DOP1B: variants seen among roughly 807,000 people sequenced by gnomAD.
DOP1B encodes protein DOP1B.
A neutral mutation model predicts 233.5 loss-of-function variants in DOP1B; 174 were observed. The ratio of observed to expected loss-of-function variants is 0.75; its 90% CI spans 0.66 to 0.85. The LOEUF (loss-of-function observed/expected upper bound fraction) is 0.85. DOP1B is among the 40% of genes least tolerant of loss of function. DOP1B has a pLI of 0.00. For missense variants in DOP1B, 2,652 were observed against 2,846.6 expected (o/e 0.93, Z 1.56); for synonymous variants, 1,190 against 1,185.6 (o/e 1.00, Z -0.08).
chr21:36,214,600 T>A, intron 9 of DOP1B, 44 bp downstream of exon 9: 5 of 1,503,446 alleles, frequency 3.3e-6, no homozygotes, highest in Non-Finnish European at 4.6e-6. Flanking sequence ...GAATACAGAT[T>A]ACCTGTTTTC....
chr21:36,235,863 C>CGG (rs368106815), intron 15 of DOP1B, among the ~76,000 whole-genome samples: 17,953 of 111,416 alleles, frequency 0.16, 1,565 homozygotes, highest in Non-Finnish European at 0.21. Flanking sequence ...GCAAGGAAGT[C>CGG]GGGGGGGGGG....
chr21:36,210,250 G>A (rs1426457492), intron 5 of DOP1B, among the ~76,000 whole-genome samples: 1 of 152,224 alleles, frequency 6.6e-6, no homozygotes, highest in East Asian at 1.9e-4. Flanking sequence ...ACTCATGCCT[G>A]TAATCTCAGC....
intron 4 of DOP1B, among the ~76,000 whole-genome samples, chr21:36,204,351 T>A (rs1273511658): frequency 6.6e-6 from 1 of 152,094 alleles, no homozygotes; most frequent in Non-Finnish European, 1.5e-5. Context: ...TAGTACAGAG[T>A]TTCCATGATG....
chr21:36,271,870 T>C (rs2284640), intron 27 of DOP1B, among the ~76,000 whole-genome samples: 92,425 of 151,124 alleles, frequency 0.61, 29,138 homozygotes, highest in African/African-American at 0.78. Flanking sequence ...GGTTGGCTCA[T>C]GCCTGTAATC....
At position 36,214,169 on chromosome 21, in the gene DOP1B, C is replaced by G; in HGVS notation, c.993C>G (p.Tyr331Ter). The G allele has an allele frequency of 6.3e-7, 1 of 1,598,674 alleles. No homozygotes were observed. Among genetic ancestry groups the G allele is most frequent in the Non-Finnish European group, 8.5e-7 (1 of 1,171,366 alleles). Reference protein sequence around the residue: ...EDQSSYFFEKYSKDLLVEGLA... With the variant: ...EDQSSYFFEK ...AGTCGTCTTATTTTTTTGAAAAATACTCCAAGGATCTTTTAGTTGAGGTAA... is the reference window on the plus strand; with the variant it reads ...AGTCGTCTTATTTTTTTGAAAAATAGTCCAAGGATCTTTTAGTTGAGGTAA... The change falls in exon 8 of 37, where the codon TAC becomes TAG. Residue 331 changes from tyrosine (Y) to a stop codon, truncating the protein, a stop_gained. Coordinates refer to ENST00000691173, the MANE Select transcript of DOP1B (RefSeq NM_001320714.2). LOFTEE classifies it high-confidence loss of function.
At chr21:36,198,198 G>A (rs1051047702) in intron 2 of DOP1B, among the ~76,000 whole-genome samples, 1 of 152,062 alleles carries the variant, frequency 6.6e-6, no homozygotes, top group African/African-American at 2.4e-5. Flanking sequence ...GGGAGGCCGA[G>A]GCGGGTGGAT....
At chr21:36,225,026 G>C (rs1469460519) in intron 11 of DOP1B, among the ~76,000 whole-genome samples, 1 of 152,008 alleles carries the variant, frequency 6.6e-6, no homozygotes, top group Non-Finnish European at 1.5e-5. Context: ...GGAGACACCT[G>C]AATTGGTAGA....
chr21:36,192,319 A>C (rs1481523626), intron 2 of DOP1B, among the ~76,000 whole-genome samples: 2 of 150,992 alleles, frequency 1.3e-5, no homozygotes, highest in African/African-American at 2.4e-5. Flanking sequence ...AGATCACACC[A>C]CTGCACTCCA....
In DOP1B at chr21:36,288,826, A is replaced by T; in HGVS notation, c.6353+15A>T. The stretch of plus-strand genomic sequence containing the variant: ...GAGTCATTGAGGTAAGCAGTACAAG[A>T]TCTGTACACAAGAGGAAAAGATAGT... On this transcript the variant is annotated intron_variant, in intron 34 of 36. Coordinates refer to ENST00000691173, the MANE Select transcript of DOP1B (RefSeq NM_001320714.2). 3 of 1,603,858 alleles carry T rather than the reference A, an allele frequency of 1.9e-6. No homozygotes were observed. The highest frequency in any genetic ancestry group is 2.6e-6 in the Non-Finnish European group (3 of 1,171,188).
At chr21:36,171,433 C>T (rs1251528266) in intron 2 of DOP1B, among the ~76,000 whole-genome samples, 1 of 152,156 alleles carries the variant, frequency 6.6e-6, no homozygotes, top group Non-Finnish European at 1.5e-5. Flanking sequence ...CAGTATGTAA[C>T]TTGATTTGGA....
intron 14 of DOP1B, among the ~76,000 whole-genome samples, 164 bp from the exon 15 acceptor site, chr21:36,232,640 C>A (rs528596663): frequency 1.5e-4 from 23 of 152,230 alleles, no homozygotes; most frequent in African/African-American, 4.8e-4. Context: ...TCTGTAAGGA[C>A]CTTATTTCCA....
At chr21:36,191,113 C>G (rs898716508) in intron 2 of DOP1B, among the ~76,000 whole-genome samples, 18 of 152,192 alleles carry the variant, frequency 1.2e-4, no homozygotes, top group African/African-American at 4.1e-4. Flanking sequence ...TACTTCTTAC[C>G]TTGGAGTTTT....
At chr21:36,289,749 G>A (rs1029840212) in intron 35 of DOP1B, among the ~76,000 whole-genome samples, 11 of 152,068 alleles carry the variant, frequency 7.2e-5, no homozygotes, top group African/African-American at 2.4e-4. Context: ...GTTAAAGAGC[G>A]GGTTCTCTTA....
intron 9 of DOP1B, among the ~76,000 whole-genome samples, chr21:36,218,671 T>C (rs1012127873): frequency 6.6e-6 from 1 of 152,230 alleles, no homozygotes; most frequent in Non-Finnish European, 1.5e-5. Context: ...TTGACAGAGC[T>C]TTCATTTTCT....
rs1467311768 is a variant in DOP1B, at chr21:36,236,107, A to G, written c.2623-1155A>G. 2.6e-5 allele frequency among the ~76,000 whole-genome samples: 4 copies of G among 152,388 alleles called. No individual in the cohort carries two copies. In the East Asian group the frequency reaches 7.7e-4, roughly 29 times the overall value. On this transcript the variant is annotated intron_variant, in intron 15 of 36. Coordinates refer to ENST00000691173, the MANE Select transcript of DOP1B (RefSeq NM_001320714.2). ...CTCCAGTCTATGAGATATAAACTTC[A>G]TATAGTCTATGAAGTATAAGAATGT...
In DOP1B at chr21:36,212,120, T is replaced by C. The variant is rs1375676866; in HGVS notation, c.904+23T>C. 3 of 1,538,158 alleles carry C rather than the reference T, an allele frequency of 2.0e-6. No homozygotes were observed. In the African/African-American group the frequency reaches 4.2e-5, roughly 21 times the overall value. On this transcript the variant is annotated intron_variant, in intron 7 of 36. Coordinates refer to ENST00000691173, the MANE Select transcript of DOP1B (RefSeq NM_001320714.2). ...TAGGTACTGAGCAGTATACACCCTTTTAAAGTCAAAGTTAATATGAAACCT... is the reference window on the plus strand; with the variant it reads ...TAGGTACTGAGCAGTATACACCCTTCTAAAGTCAAAGTTAATATGAAACCT...
intron 6 of DOP1B, 69 bp from the exon 7 acceptor site, chr21:36,211,904 GC>G: frequency 6.2e-7 from 1 of 1,600,990 alleles, no homozygotes; most frequent in East Asian, 2.2e-5. Flanking sequence ...GCAAGGAAGG[GC>G]TGCGTGTCAA....
Position 36,278,057 on chromosome 21 carries a change from A to C in DOP1B, c.5795A>C (p.Tyr1932Ser). The change falls in exon 29 of 37, where the codon TAT (tyrosine) becomes TCT (serine). Residue 1932 changes from tyrosine to serine, a missense_variant. Tyr to Ser is a moderately radical substitution (Grantham distance 144, BLOSUM62 -2). Coordinates refer to ENST00000691173, the MANE Select transcript of DOP1B (RefSeq NM_001320714.2). ...AVPLISRLLY[Y>S]VFPYLRNHSA... ...CCGTTAATCTCCCGTCTGCTTTACT[A>C]TGTTTTTCCATACTTACGCAACCAC... 1.2e-6 allele frequency: 2 copies of C among 1,614,132 alleles called. No individual in the cohort carries two copies. Among genetic ancestry groups the C allele is most frequent in the Non-Finnish European group, 1.7e-6 (2 of 1,180,016 alleles).
At chr21:36,190,818 G>A (rs2066225446) in intron 2 of DOP1B, among the ~76,000 whole-genome samples, 1 of 152,228 alleles carries the variant, frequency 6.6e-6, no homozygotes, top group Non-Finnish European at 1.5e-5. Flanking sequence ...AACTGTCCTG[G>A]AAGTGTTTGC....
Sources: gnomAD v4.1 joint callset for allele counts (sites outside exome capture counted in the v4.1 genomes callset) on GRCh38, gnomAD v4.1.1 for gene constraint, MANE v1.5 for transcripts, NCBI Gene and HGNC (gene_info 2026-07-23, HGNC 2026-07-21) for gene names.